PYROXD1: variants seen among roughly 807,000 people sequenced by gnomAD.
PYROXD1 encodes pyridine nucleotide-disulphide oxidoreductase domain 1, also known as tRNA ligase complex-associated NAD(P)H dehydrogenase PYROXD1.
PYROXD1 carries 42 observed loss-of-function variants against 62.0 expected under a neutral mutation model. That is an observed-to-expected ratio of 0.68 (90% CI 0.53 to 0.88). PYROXD1 has a LOEUF of 0.88. PYROXD1 is among the 40% of genes least tolerant of loss of function. The probability of loss-of-function intolerance (pLI) is 0.00; values close to 1 mark genes in which losing one functional copy is unlikely to be tolerated. For synonymous variants in PYROXD1, 170 were observed against 206.4 expected, an observed-to-expected ratio of 0.82 and a Z score of 1.51; for missense variants, 493 against 604.8, an observed-to-expected ratio of 0.82 and a Z score of 1.94.
chr12:21,454,606 T>C (rs1942561828), intron 5 of PYROXD1, among the ~76,000 whole-genome samples: 2 of 152,054 alleles, frequency 1.3e-5, no homozygotes, highest in Non-Finnish European at 2.9e-5. Context: ...CTAAGATCCT[T>C]GATCCTTGAT....
intron 6 of PYROXD1, 49 bp downstream of exon 6, chr12:21,455,341 A>G: frequency 8.2e-7 from 1 of 1,222,712 alleles, no homozygotes; most frequent in Non-Finnish European, 1.1e-6. Flanking sequence ...CTTTTTTAAA[A>G]CCATATAGAA....
At chr12:21,452,970 C>T (rs1484854708) in intron 5 of PYROXD1, among the ~76,000 whole-genome samples, 1 of 152,022 alleles carries the variant, frequency 6.6e-6, no homozygotes, top group Non-Finnish European at 1.5e-5. Flanking sequence ...TGTAAGAGTT[C>T]TTAAATTGCC....
chr12:21,455,759 C>G (rs958050679), intron 6 of PYROXD1, among the ~76,000 whole-genome samples: 5 of 151,840 alleles, frequency 3.3e-5, no homozygotes, highest in African/African-American at 1.2e-4. Flanking sequence ...CGTGTAACAT[C>G]CAAAACGTAA....
chr12:21,456,454 GTTATGT>G (rs1942599188), intron 7 of PYROXD1, among the ~76,000 whole-genome samples: 1 of 152,146 alleles, frequency 6.6e-6, no homozygotes, highest in East Asian at 1.9e-4. Flanking sequence ...GCCTGCAAAA[GTTATGT>G]TTATAACATA....
intron 7 of PYROXD1, chr12:21,457,213 C>G (rs967297152): frequency 8.7e-5 from 18 of 207,268 alleles, no homozygotes; most frequent in Middle Eastern, 2.3e-3. Context: ...TGTACTTTTC[C>G]CAGATCCATC....
At chr12:21,438,067 C>T in intron 1 of PYROXD1, 2 of 548,662 alleles carry the variant, frequency 3.6e-6, no homozygotes, top group South Asian at 4.6e-5. Context: ...GATCCGTGCT[C>T]AGATCCTTGT....
intron 5 of PYROXD1, chr12:21,454,922 C>T (rs1942568028): frequency 2.9e-6 from 1 of 339,956 alleles, no homozygotes; most frequent in Non-Finnish European, 5.3e-6. Flanking sequence ...AAGGTTCTTT[C>T]TGTAAACTGC....
intron 3 of PYROXD1, 47 bp downstream of exon 3, chr12:21,445,513 A>G: frequency 2.0e-6 from 3 of 1,520,406 alleles, no homozygotes; most frequent in African/African-American, 1.4e-5. Flanking sequence ...TTGAATCTTG[A>G]TGAAGTTTTG....
At chr12:21,461,219 G>A in intron 8 of PYROXD1, 65 bp downstream of exon 8, 1 of 964,866 alleles carries the variant, frequency 1.0e-6, no homozygotes, top group Non-Finnish European at 1.5e-6. Flanking sequence ...ATTTAATCCT[G>A]CTGTGTTCTA....
chr12:21,463,623 C>T (rs113954707), intron 10 of PYROXD1, among the ~76,000 whole-genome samples: 2,029 of 147,940 alleles, frequency 0.014, 40 homozygotes, highest in African/African-American at 0.048. Context: ...ACCTGGGAGG[C>T]GGAGGTTGCA....
intron 3 of PYROXD1, among the ~76,000 whole-genome samples, chr12:21,448,630 A>G (rs1342298328): frequency 1.3e-5 from 2 of 152,198 alleles, no homozygotes; most frequent in Non-Finnish European, 2.9e-5. Context: ...TGAGTTATAA[A>G]TGTCTCATTG....
chr12:21,437,827 T>C lies in PYROXD1; in HGVS notation c.84+13T>C. 1.2e-6 allele frequency: 2 copies of C among 1,608,540 alleles called. No individual in the cohort carries two copies. The highest frequency in any genetic ancestry group is 1.7e-5 in the Admixed American group (1 of 59,378). ...TTGTGCGGAGCAGGTAGGGCGGTGC[T>C]CAGGCGGTTCCGCCTCTTTCCCCGA... On this transcript the variant is annotated intron_variant, in intron 1 of 11. Coordinates refer to ENST00000240651, the MANE Select transcript of PYROXD1 (RefSeq NM_024854.5).
chr12:21,460,429 A>G (rs369904455), intron 7 of PYROXD1, among the ~76,000 whole-genome samples: 3 of 55,650 alleles, frequency 5.4e-5, no homozygotes, highest in African/African-American at 1.3e-4. Flanking sequence ...TATTTTATTT[A>G]TTTATTTTTT....
chr12:21,464,736 T>TA (rs1491159300), intron 10 of PYROXD1, among the ~76,000 whole-genome samples: 3 of 135,454 alleles, frequency 2.2e-5, no homozygotes, highest in Non-Finnish European at 5.0e-5. Context: ...TTTTTTTTTT[T>TA]ATTATTATAT....
chr12:21,461,138 A>G lies in PYROXD1; in HGVS notation c.864A>G (p.Ser288=). 6.4e-7 allele frequency: 1 copy of G among 1,551,276 alleles called. No individual in the cohort carries two copies. The highest frequency in any genetic ancestry group is 8.7e-7 in the Non-Finnish European group (1 of 1,151,594). Reference sequence around the variant, plus strand: ...TCACTTTTCCAAGAGACCATAAGTCAGTTACAGCTGATACAGGCAAGTAAT... The same window carrying G: ...TCACTTTTCCAAGAGACCATAAGTCGGTTACAGCTGATACAGGCAAGTAAT... ...KSFTFPRDHK[S]VTADTEMWPV... is the part of the protein sequence containing the mutation. The change falls in exon 8 of 12, where the codon TCA becomes TCG. Residue 288 remains serine, a synonymous_variant. Transcript: ENST00000240651.
intron 7 of PYROXD1, among the ~76,000 whole-genome samples, chr12:21,457,400 C>G (rs1942617485): frequency 6.6e-6 from 1 of 151,602 alleles, no homozygotes; most frequent in Non-Finnish European, 1.5e-5. Context: ...TGACCAAATG[C>G]CTTGTCAATG....
In PYROXD1 at chr12:21,445,371, G is replaced by A. The variant is rs776874666; in HGVS notation, c.190G>A (p.Asp64Asn). The change falls in exon 3 of 12, where the codon GAT (aspartate) becomes AAT (asparagine). Residue 64 changes from aspartate (D) to asparagine (N), a missense_variant. This residue lies in a region of PYROXD1 where 164 missense variants were observed against 158.2 expected (regional missense o/e 1.04). Coordinates refer to ENST00000240651, the MANE Select transcript of PYROXD1 (RefSeq NM_024854.5). ...GATTTCTAAAATATTGGAAGAATTC[G>A]ATGTTGAAGAACAATCAAGTACCAT... ...KQISKILEEF[D>N]VEEQSSTMLG... 1.5e-5 allele frequency: 24 copies of A among 1,600,488 alleles called. No individual in the cohort carries two copies. Among genetic ancestry groups the A allele is most frequent in the Admixed American group, 3.5e-5 (2 of 57,210 alleles).
At chr12:21,454,594 C>T (rs956170839) in intron 5 of PYROXD1, among the ~76,000 whole-genome samples, 6 of 151,978 alleles carry the variant, frequency 3.9e-5, no homozygotes, top group African/African-American at 1.2e-4. Flanking sequence ...TCTTTCCTTC[C>T]TCTAAGATCC....
At chr12:21,452,841 A>G (rs1420292936) in intron 5 of PYROXD1, among the ~76,000 whole-genome samples, 3 of 152,062 alleles carry the variant, frequency 2.0e-5, no homozygotes, top group Non-Finnish European at 4.4e-5. Flanking sequence ...CAAAGAGGAC[A>G]AATTTGAATC....
Sources: allele counts gnomAD v4.1 joint callset (sites outside exome capture counted in the v4.1 genomes callset), GRCh38; gene constraint gnomAD v4.1.1; regional missense constraint gnomAD v4.1.1; transcripts MANE v1.5; gene names NCBI Gene and HGNC (gene_info 2026-07-23, HGNC 2026-07-21).